ZFYVE9: variants seen among roughly 807,000 people sequenced by gnomAD.
The protein encoded by ZFYVE9 is zinc finger FYVE domain-containing protein 9.
In ZFYVE9, 43 loss-of-function variants were observed where a neutral mutation model predicts 126.7. The ratio of observed to expected loss-of-function variants is 0.34; its 90% confidence interval spans 0.27 to 0.44. ZFYVE9 has a LOEUF of 0.44. ZFYVE9 is among the 20% of genes least tolerant of loss of function. The probability of loss-of-function intolerance (pLI) is 1.00; values close to 1 mark genes in which losing one functional copy is unlikely to be tolerated. For missense variants in ZFYVE9, 1,476 were observed against 1,697.0 expected (o/e 0.87, Z 2.29); for synonymous variants, 521 against 597.4 (o/e 0.87, Z 1.87).
chr1:52,203,548 T>G (rs961763810), intron 1 of ZFYVE9, among the ~76,000 whole-genome samples: 14 of 150,432 alleles, frequency 9.3e-5, no homozygotes, highest in South Asian at 4.2e-4. Context: ...TATGTATAGG[T>G]TTTTTTTGGC....
At position 52,237,920 on chromosome 1, in the gene ZFYVE9, A is replaced by G; in HGVS notation, c.503A>G (p.Asp168Gly). The G allele has an allele frequency of 6.2e-7, 1 of 1,614,058 alleles. No homozygotes were observed. Among genetic ancestry groups the G allele is most frequent in the East Asian group, 2.2e-5 (1 of 44,872 alleles). The change falls in exon 4 of 19, where the codon GAT becomes GGT. Residue 168 changes from aspartate (D) to glycine (G), a missense_variant. Coordinates refer to ENST00000287727, the MANE Select transcript of ZFYVE9 (RefSeq NM_004799.4). ...DKRTLQNDLQDCNNYNSQSLM... is the reference protein window; with the variant it reads ...DKRTLQNDLQGCNNYNSQSLM... ...AGGACATTACAAAACGATTTACAGG[A>G]TTGTAATAATTATAATAGTCAATCC...
intron 2 of ZFYVE9, among the ~76,000 whole-genome samples, chr1:52,224,426 C>T (rs1265900443): frequency 6.6e-6 from 1 of 152,158 alleles, no homozygotes; most frequent in African/African-American, 2.4e-5. Context: ...GGTAGGTCGT[C>T]TTTGGGAGGT....
At chr1:52,223,242 T>C (rs1481163109) in intron 2 of ZFYVE9, among the ~76,000 whole-genome samples, 1 of 152,182 alleles carries the variant, frequency 6.6e-6, no homozygotes, top group African/African-American at 2.4e-5. Flanking sequence ...TAAAATGTCC[T>C]GGCTTTCCAC....
chr1:52,280,562 TC>T (rs1402175590), intron 9 of ZFYVE9, among the ~76,000 whole-genome samples: 1 of 152,190 alleles, frequency 6.6e-6, no homozygotes, highest in African/African-American at 2.4e-5. Flanking sequence ...CTTTTTCAGT[TC>T]CTTTGGGGAT....
At chr1:52,226,317 C>T (rs1225399436) in intron 2 of ZFYVE9, among the ~76,000 whole-genome samples, 1 of 152,152 alleles carries the variant, frequency 6.6e-6, no homozygotes, top group African/African-American at 2.4e-5. Flanking sequence ...TCACAGACTG[C>T]TCTTTGTTAG....
chr1:52,314,824 A>G (rs538048762), intron 13 of ZFYVE9, among the ~76,000 whole-genome samples: 358 of 152,046 alleles, frequency 2.4e-3, no homozygotes, highest in Non-Finnish European at 4.1e-3. Flanking sequence ...AAAGAAAAAA[A>G]AAAGCAAAAA....
chr1:52,178,482 C>T (rs1338744034), intron 1 of ZFYVE9, among the ~76,000 whole-genome samples: 3 of 151,848 alleles, frequency 2.0e-5, no homozygotes, highest in African/African-American at 7.2e-5. Flanking sequence ...AGGCACCCAC[C>T]ACCATGCCCG....
chr1:52,217,875 GTTATTCTGTTTTC>G (rs1317912093), intron 2 of ZFYVE9, among the ~76,000 whole-genome samples: 4 of 152,190 alleles, frequency 2.6e-5, no homozygotes, highest in Non-Finnish European at 5.9e-5. Flanking sequence ...CATGTCAAGG[GTTATTCTGTTTTC>G]CCAGACCATC....
At chr1:52,301,271 C>T (rs1402291925) in intron 12 of ZFYVE9, among the ~76,000 whole-genome samples, 18 of 140,080 alleles carry the variant, frequency 1.3e-4, no homozygotes, top group Non-Finnish European at 2.6e-4. Context: ...CTTTTCTTAA[C>T]GTTGTTTTTC....
rs142746428 is a variant in ZFYVE9, at chr1:52,156,857, C to T, written c.-143+14454C>T. On this transcript the variant is annotated intron_variant, in intron 1 of 18. Transcript: ENST00000287727. Reference sequence around the variant, plus strand: ...GACATTCTTTTTTTTTTTTTTGAGACGGAGTCTCGCTGTCGCCCAGGCTGG... The same window carrying T: ...GACATTCTTTTTTTTTTTTTTGAGATGGAGTCTCGCTGTCGCCCAGGCTGG... Among the ~76,000 whole-genome samples the T allele has an allele frequency of 1.9e-3, 273 of 145,548 alleles. 1 individual carries two copies. Among genetic ancestry groups the T allele is most frequent in the Middle Eastern group, 0.015 (4 of 274 alleles).
Position 52,337,777 on chromosome 1 carries a change from G to A in ZFYVE9, c.3676G>A (p.Val1226Ile). The part of the protein sequence containing the change: ...LAKSSIVEDG[V>I]MVQITAENMD... ...GGCTTTGTACTGATTCTTAGATGGT[G>A]TTATGGTCCAGATTACTGCAGAGAA... Residue 1226 changes from valine to isoleucine, a missense_variant, in exon 16 of 19, where the codon GTT becomes ATT. Physicochemically the swap from Val to Ile is conservative, Grantham distance 29. Coordinates refer to ENST00000287727, the MANE Select transcript of ZFYVE9 (RefSeq NM_004799.4). The A allele has an allele frequency of 6.2e-7, 1 of 1,614,146 alleles. No individual in the cohort carries two copies. The highest frequency in any genetic ancestry group is 1.1e-5 in the South Asian group (1 of 91,078).
chr1:52,161,937 CAA>C (rs760164661), intron 1 of ZFYVE9, among the ~76,000 whole-genome samples: 122 of 132,222 alleles, frequency 9.2e-4, no homozygotes, highest in African/African-American at 3.0e-3. Flanking sequence ...TTAGTAAAAG[CAA>C]AAAAAAAAAA....
intron 1 of ZFYVE9, among the ~76,000 whole-genome samples, chr1:52,171,616 A>G (rs923372931): frequency 1.3e-5 from 2 of 152,134 alleles, no homozygotes; most frequent in Admixed American, 1.3e-4. Flanking sequence ...AGTCCCACCA[A>G]CAGTGTAAAA....
In ZFYVE9 at chr1:52,337,837, A is replaced by C; in HGVS notation, c.3736A>C (p.Lys1246Gln). The part of the protein sequence containing the change: ...DSLRQALREM[K>Q]DFTITCGKAD... Reference sequence around the variant, plus strand: ...CTTGAGGCAGGCACTGCGAGAGATGAAGGACTTCACCATCACCTGTGGGAA... The same window carrying C: ...CTTGAGGCAGGCACTGCGAGAGATGCAGGACTTCACCATCACCTGTGGGAA... The change falls in exon 16 of 19, where the codon AAG (lysine) becomes CAG (glutamine). Residue 1246 changes from lysine to glutamine, a missense_variant. By Grantham distance (53) the Lys-to-Gln change is moderately conservative. Transcript: ENST00000287727. 1.2e-6 allele frequency: 2 copies of C among 1,614,232 alleles called. No homozygotes were observed. The highest frequency in any genetic ancestry group is 1.7e-6 in the Non-Finnish European group (2 of 1,180,042).
chr1:52,329,034 T>C (rs888573884), intron 13 of ZFYVE9, among the ~76,000 whole-genome samples: 2 of 152,168 alleles, frequency 1.3e-5, no homozygotes, highest in African/African-American at 4.8e-5. Context: ...CCCTGAGAAC[T>C]ACAAAACGTT....
chr1:52,143,255 C>G (rs997863543), intron 1 of ZFYVE9, among the ~76,000 whole-genome samples: 25 of 152,084 alleles, frequency 1.6e-4, no homozygotes, highest in Non-Finnish European at 2.8e-4. Flanking sequence ...TGCCAGCTAC[C>G]CTAATAAATA....
chr1:52,199,288 C>T (rs1644900682), intron 1 of ZFYVE9, among the ~76,000 whole-genome samples: 1 of 152,094 alleles, frequency 6.6e-6, no homozygotes, highest in African/African-American at 2.4e-5. Flanking sequence ...TGGTTTTGAT[C>T]TCCTGACCTC....
At chr1:52,334,623 GTTA>G (rs911059433) in intron 14 of ZFYVE9, 62 bp from the exon 15 acceptor site, 37 of 1,514,586 alleles carry the variant, frequency 2.4e-5, no homozygotes, top group African/African-American at 8.3e-5. Flanking sequence ...TGAATATTTT[GTTA>G]TTATTTTCAA....
chr1:52,208,042 C>T (rs912247983), intron 1 of ZFYVE9, among the ~76,000 whole-genome samples: 11 of 152,118 alleles, frequency 7.2e-5, no homozygotes, highest in Admixed American at 3.9e-4. Context: ...TAGCATGGGC[C>T]GGGTATGGTG....
Sources: gnomAD v4.1 joint callset for allele counts (sites outside exome capture counted in the v4.1 genomes callset) on GRCh38, gnomAD v4.1.1 for gene constraint, MANE v1.5 for transcripts, NCBI Gene and HGNC (gene_info 2026-07-23, HGNC 2026-07-21) for gene names.